The following ZFHX3 variants were observed in gnomAD, a reference collection of about 807,000 sequenced individuals.
The protein encoded by ZFHX3 is zinc finger homeobox protein 3.
A neutral mutation model predicts 279.1 loss-of-function variants in ZFHX3; 42 were observed. That is an observed-to-expected ratio of 0.15 (90% CI 0.12 to 0.19). ZFHX3 has a LOEUF of 0.19. ZFHX3 is among the 10% of genes least tolerant of loss of function. ZFHX3 has a pLI of 1.00. For synonymous variants in ZFHX3, 2,293 were observed against 1,957.8 expected (o/e 1.17, Z -4.52); for missense variants, 4,981 against 4,754.0 (o/e 1.05, Z -1.40).
At chr16:72,922,970 C>T (rs541303021) in intron 3 of ZFHX3, among the ~76,000 whole-genome samples, 1 of 152,068 alleles carries the variant, frequency 6.6e-6, no homozygotes, top group East Asian at 1.9e-4. Context: ...TAGAAGGACT[C>T]GACGAAATGA....
At chr16:73,236,994 A>G (rs979309077) in intron 5 of ZFHX3, among the ~76,000 whole-genome samples, 1 of 152,108 alleles carries the variant, frequency 6.6e-6, no homozygotes, top group Non-Finnish European at 1.5e-5. Flanking sequence ...GGGCTTTCCA[A>G]TTTCCACGGT....
chr16:73,594,867 G>C lies in ZFHX3; in HGVS notation c.-1547+85313C>G, dbSNP rs77520555. Among the ~76,000 whole-genome samples the C allele has an allele frequency of 2.6e-5, 4 of 152,180 alleles. No homozygotes were observed. The East Asian group carries it at 7.7e-4, about 29-fold the overall frequency. ...TTTCATGTTTTTCTTATCGCCTTTT[G>C]TTGTTAATATTTGTGTATGGTCTGA... is the stretch of plus-strand genomic sequence containing the variant. On this transcript the variant is annotated intron_variant, in intron 2 of 17. Transcript: ENST00000641206.
chr16:73,213,443 AAG>A (rs2012088665), intron 5 of ZFHX3, among the ~76,000 whole-genome samples: 1 of 152,350 alleles, frequency 6.6e-6, no homozygotes, highest in Non-Finnish European at 1.5e-5. Context: ...TGCAAGGAGA[AAG>A]AGATCGGTTT....
intron 1 of ZFHX3, among the ~76,000 whole-genome samples, chr16:72,979,451 T>A (rs1453410466): frequency 6.6e-6 from 1 of 152,170 alleles, no homozygotes; most frequent in Non-Finnish European, 1.5e-5. Flanking sequence ...GAAAGATGGA[T>A]CACAGAAGAA....
intron 7 of ZFHX3, among the ~76,000 whole-genome samples, chr16:73,109,442 G>T (rs1966344179): frequency 6.6e-6 from 1 of 152,076 alleles, no homozygotes; most frequent in African/African-American, 2.4e-5. Flanking sequence ...CCGTTTCTTG[G>T]TATCACAAAT....
At chr16:73,269,628 A>T (rs867776388) in intron 4 of ZFHX3, among the ~76,000 whole-genome samples, 1 of 152,114 alleles carries the variant, frequency 6.6e-6, no homozygotes. Flanking sequence ...ATTCATGTAC[A>T]TCTTTGTTTG....
intron 3 of ZFHX3, among the ~76,000 whole-genome samples, chr16:73,403,586 T>A (rs2017301163): frequency 6.6e-6 from 1 of 152,180 alleles, no homozygotes; most frequent in South Asian, 2.1e-4. Flanking sequence ...GGTGCTTTCT[T>A]ACTGGAAACA....
chr16:73,146,265 T>A (rs1335388635), intron 5 of ZFHX3, among the ~76,000 whole-genome samples: 1 of 152,014 alleles, frequency 6.6e-6, no homozygotes. Context: ...CCGTCTCTAC[T>A]AAAAATACAA....
At chr16:73,728,015 G>GCCCTCCCCTCCCC (rs1555535414) in intron 1 of ZFHX3, among the ~76,000 whole-genome samples, 1 of 75,426 alleles carries the variant, frequency 1.3e-5, no homozygotes, top group Non-Finnish European at 2.6e-5. Flanking sequence ...GCCGAATTGT[G>GCCCTCCCCTCCCC]CCCCCCCCCC....
At chr16:73,737,601 T>A (rs2053620395) in intron 1 of ZFHX3, among the ~76,000 whole-genome samples, 1 of 152,134 alleles carries the variant, frequency 6.6e-6, no homozygotes, top group South Asian at 2.1e-4. Flanking sequence ...AGCTGTGCTA[T>A]TCAAAGCTTC....
chr16:73,540,790 A>G (rs2143748682), intron 2 of ZFHX3, among the ~76,000 whole-genome samples: 1 of 152,338 alleles, frequency 6.6e-6, no homozygotes, highest in Non-Finnish European at 1.5e-5. Flanking sequence ...TGCCAATTCC[A>G]GAGTCACTCT....
chr16:73,132,465 G>C (rs867785864), intron 6 of ZFHX3, among the ~76,000 whole-genome samples: 1 of 152,120 alleles, frequency 6.6e-6, no homozygotes, highest in Admixed American at 6.5e-5. Flanking sequence ...ATGATAGCAG[G>C]TTTCAGGAAC....
At chr16:73,260,191 G>C (rs1439943428) in intron 4 of ZFHX3, among the ~76,000 whole-genome samples, 1 of 152,158 alleles carries the variant, frequency 6.6e-6, no homozygotes, top group East Asian at 1.9e-4. Flanking sequence ...ATTAGATTCA[G>C]GGTATGCATT....
chr16:73,522,190 T>C (rs558289981), intron 2 of ZFHX3, among the ~76,000 whole-genome samples: 46 of 152,294 alleles, frequency 3.0e-4, no homozygotes, highest in African/African-American at 1.1e-3. Context: ...TTGTGAAAAA[T>C]TGGGAACTGA....
At chr16:73,048,199 G>A (rs1291959225), upstream of ZFHX3, 1 of 153,206 alleles carries the variant, frequency 6.5e-6, no homozygotes, top group Non-Finnish European at 1.4e-5. Flanking sequence ...GGGCCTTCGG[G>A]GATCCACATT....
intron 3 of ZFHX3, among the ~76,000 whole-genome samples, chr16:73,322,150 G>A (rs2015587124): frequency 6.6e-6 from 1 of 152,188 alleles, no homozygotes; most frequent in South Asian, 2.1e-4. Flanking sequence ...GAGGAAGGCT[G>A]GGCCCCTGAC....
chr16:73,878,754 T>A (rs1234364797), intron 1 of ZFHX3, among the ~76,000 whole-genome samples: 7 of 151,524 alleles, frequency 4.6e-5, no homozygotes, highest in Admixed American at 3.3e-4. Flanking sequence ...AGGAAGCTGC[T>A]CAGAAGAAAA....
At chr16:73,457,481 CGAGG>C (rs1218238824) in intron 2 of ZFHX3, among the ~76,000 whole-genome samples, 1 of 152,134 alleles carries the variant, frequency 6.6e-6, no homozygotes, top group Non-Finnish European at 1.5e-5. Context: ...ACTTACAAAA[CGAGG>C]GAGTCGGCCG....
At chr16:73,268,834 A>G (rs538160824) in intron 4 of ZFHX3, among the ~76,000 whole-genome samples, 1 of 152,230 alleles carries the variant, frequency 6.6e-6, no homozygotes, top group African/African-American at 2.4e-5. Flanking sequence ...GCTTCCTACA[A>G]AGGGGCACAG....
Sources: allele counts gnomAD v4.1 joint callset (sites outside exome capture counted in the v4.1 genomes callset), GRCh38; gene constraint gnomAD v4.1.1; transcripts MANE v1.5; gene names NCBI Gene and HGNC (gene_info 2026-07-23, HGNC 2026-07-21).